Variants in ATXN7L1 observed in about 807,000 individuals in gnomAD.
The protein encoded by ATXN7L1 is ataxin-7-like protein 1.
Under a neutral mutation model 70.8 loss-of-function variants are expected in ATXN7L1, and 15 were observed. That is an observed-to-expected ratio of 0.21 (90% confidence interval 0.14 to 0.33). The LOEUF is 0.33. ATXN7L1 is among the 10% of genes least tolerant of loss of function. The probability of loss-of-function intolerance (pLI) is 1.00; values close to 1 mark genes in which losing one functional copy is unlikely to be tolerated. For missense variants in ATXN7L1, 975 were observed against 1,097.1 expected (o/e 0.89, Z 1.57); for synonymous variants, 440 against 445.1 (o/e 0.99, Z 0.14).
chr7:105,828,782 G>A (rs1811206091), intron 2 of ATXN7L1, among the ~76,000 whole-genome samples: 1 of 152,166 alleles, frequency 6.6e-6, no homozygotes, highest in South Asian at 2.1e-4. Context: ...ACTGGTGGGA[G>A]AAAAAGTACA....
rs938263235 is a variant in ATXN7L1 at position 105,711,705 on chromosome 7, C to T, written c.356-46417G>A. Among the ~76,000 whole-genome samples the T allele has an allele frequency of 1.6e-4, 24 of 152,250 alleles. 1 individual carries two copies. Among genetic ancestry groups the T allele is most frequent in the South Asian group, 4.1e-4 (2 of 4,838 alleles). On this transcript the variant is annotated intron_variant, in intron 3 of 11. Transcript: ENST00000419735. ...GTGACTCTGCAGGGTACAACCCCTA[C>T]GGCTACTTTCATGGTGTTGAGTGCC... is the stretch of plus-strand genomic sequence containing the variant.
intron 3 of ATXN7L1, among the ~76,000 whole-genome samples, chr7:105,692,376 T>TC (rs1319676086): frequency 1.2e-5 from 1 of 84,004 alleles, no homozygotes; most frequent in African/African-American, 5.0e-5. Context: ...TTTCTTTCCT[T>TC]CCTTCCTTCC....
rs200197723 is a variant in ATXN7L1, at chr7:105,727,740, A to ATGTG, written c.355+60860_355+60863dup. 2.1e-3 allele frequency among the ~76,000 whole-genome samples: 152 copies of ATGTG among 70,782 alleles called. 3 individuals are homozygous for ATGTG. The highest frequency in any genetic ancestry group is 0.01 in the African/African-American group (130 of 12,578). 46.4% of individuals were successfully genotyped at this position (70,782 alleles called of 152,430 possible). A position where few individuals can be genotyped will look rare whatever the true frequency, so the allele number is the denominator to read the frequency against. ...TTTTTCCATAGGGGTGTGTGTGTGT[A>ATGTG]TGTGTGTATATATATATATATATAT... On this transcript the variant is annotated intron_variant, in intron 3 of 11. Coordinates refer to ENST00000419735, the MANE Select transcript of ATXN7L1 (RefSeq NM_020725.2).
At chr7:105,638,822 C>T (rs921532145) in intron 6 of ATXN7L1, among the ~76,000 whole-genome samples, 2 of 152,162 alleles carry the variant, frequency 1.3e-5, no homozygotes, top group Non-Finnish European at 2.9e-5. Context: ...GAAGCCAAAG[C>T]TTCCTCCAAA....
At chr7:105,821,132 C>T (rs935215109) in intron 2 of ATXN7L1, among the ~76,000 whole-genome samples, 11 of 152,244 alleles carry the variant, frequency 7.2e-5, no homozygotes, top group Non-Finnish European at 1.2e-4. Flanking sequence ...CTCTGCCTCC[C>T]GGGTTCAAGC....
At chr7:105,819,845 T>C in intron 2 of ATXN7L1, 1 of 613,090 alleles carries the variant, frequency 1.6e-6, no homozygotes, top group Non-Finnish European at 3.1e-6. Context: ...AAGCGGATGG[T>C]GGTTCCTGCT....
intron 3 of ATXN7L1, among the ~76,000 whole-genome samples, chr7:105,744,202 C>A (rs1054244986): frequency 6.6e-6 from 1 of 152,156 alleles, no homozygotes; most frequent in Admixed American, 6.5e-5. Context: ...TTCAGAATAA[C>A]CTGGGTCTGT....
chr7:105,619,140 GTTTTTTT>G lies in ATXN7L1; in HGVS notation c.1517+1053_1517+1059del, dbSNP rs1191774371. Among the ~76,000 whole-genome samples the G allele has an allele frequency of 6.0e-3, 298 of 49,844 alleles. 6 individuals are homozygous for G. Among genetic ancestry groups the G allele is most frequent in the African/African-American group, 0.022 (266 of 12,222 alleles). The allele number at this position is 49,844 out of a possible 152,430, so 32.7% of individuals were successfully genotyped here. A position where few individuals can be genotyped will look rare whatever the true frequency, so the allele number is the denominator to read the frequency against. ...GTCCACAACCATAATGAAATCTTTA[GTTTTTTT>G]TTTTTTTTTTTTTTTTTTGAGACGG... On this transcript the variant is annotated intron_variant, in intron 9 of 11. Transcript: ENST00000419735.
chr7:105,795,358 G>C (rs1189129083), intron 2 of ATXN7L1, among the ~76,000 whole-genome samples: 1 of 152,144 alleles, frequency 6.6e-6, no homozygotes, highest in Non-Finnish European at 1.5e-5. Flanking sequence ...ATAAACTTTA[G>C]TTTATATCCA....
At chr7:105,752,651 C>T (rs1189206144) in intron 3 of ATXN7L1, among the ~76,000 whole-genome samples, 2 of 152,138 alleles carry the variant, frequency 1.3e-5, no homozygotes, top group Non-Finnish European at 2.9e-5. Flanking sequence ...TTTGAGACTG[C>T]CCCAACCCAG....
intron 11 of ATXN7L1, among the ~76,000 whole-genome samples, chr7:105,609,413 T>C (rs530002382): frequency 5.9e-5 from 9 of 152,278 alleles, no homozygotes; most frequent in Non-Finnish European, 1.3e-4. Flanking sequence ...GTGATCTGCC[T>C]GCCTTGGCCT....
chr7:105,632,643 C>A (rs1796757406), intron 7 of ATXN7L1, among the ~76,000 whole-genome samples: 1 of 152,076 alleles, frequency 6.6e-6, no homozygotes, highest in Admixed American at 6.6e-5. Context: ...GAGTGATCAG[C>A]TGAGTGCAGT....
intron 2 of ATXN7L1, among the ~76,000 whole-genome samples, chr7:105,850,581 C>T (rs967610837): frequency 1.3e-5 from 2 of 152,202 alleles, no homozygotes; most frequent in African/African-American, 4.8e-5. Flanking sequence ...TGTGCTGAAC[C>T]CAGATCTCTC....
chr7:105,740,587 G>A (rs547140534), intron 3 of ATXN7L1, among the ~76,000 whole-genome samples: 2 of 152,128 alleles, frequency 1.3e-5, no homozygotes, highest in East Asian at 3.9e-4. Flanking sequence ...ACTGATCCAA[G>A]AGTTAGTTAA....
In ATXN7L1 at chr7:105,834,334, G is replaced by A. The variant is rs542433881; in HGVS notation, c.250+41478C>T. ...TGGGATTACATACGTGAGCCACCAC[G>A]CCTGGCCTCATCATTGACTTTGAAA... On this transcript the variant is annotated intron_variant, in intron 2 of 11. Coordinates refer to ENST00000419735, the MANE Select transcript of ATXN7L1 (RefSeq NM_020725.2). 2.6e-5 allele frequency among the ~76,000 whole-genome samples: 4 copies of A among 152,320 alleles called. No individual in the cohort carries two copies. In the South Asian group the frequency reaches 6.2e-4, roughly 24 times the overall value.
intron 3 of ATXN7L1, among the ~76,000 whole-genome samples, chr7:105,731,747 TAAAAA>T (rs1361801460): frequency 6.3e-5 from 1 of 15,844 alleles, no homozygotes; most frequent in African/African-American, 9.1e-4. Flanking sequence ...TCTTACTCCT[TAAAAA>T]GAAAAGAAAA....
chr7:105,657,678 G>A (rs1401506983), intron 4 of ATXN7L1, among the ~76,000 whole-genome samples: 2 of 138,186 alleles, frequency 1.4e-5, no homozygotes, highest in African/African-American at 2.8e-5. Context: ...GCCGCAGCCT[G>A]GGTGACAGAG....
chr7:105,871,844 G>A (rs1818313822), intron 2 of ATXN7L1, among the ~76,000 whole-genome samples: 1 of 152,090 alleles, frequency 6.6e-6, no homozygotes. Context: ...CTTTATAGGT[G>A]GAGAACTGAA....
chr7:105,733,681 C>CCCATCCATCCATTCAT lies in ATXN7L1; in HGVS notation c.355+54922_355+54923insATGAATGGATGGATGG, dbSNP rs1563049263. On this transcript the variant is annotated intron_variant, in intron 3 of 11. Coordinates refer to ENST00000419735, the MANE Select transcript of ATXN7L1 (RefSeq NM_020725.2). Reference sequence around the variant, plus strand: ...ATCCATCCATCCATCCATCCATCCACCCATCCACCCATCCATCCATTCATC... The same window carrying CCCATCCATCCATTCAT: ...ATCCATCCATCCATCCATCCATCCACCCATCCATCCATTCATCCATCCACCCATCCATCCATTCATC... 5.9e-3 allele frequency among the ~76,000 whole-genome samples: 38 copies of CCCATCCATCCATTCAT among 6,454 alleles called. 8 individuals carry two copies. The highest frequency in any genetic ancestry group is 0.023 in the East Asian group (3 of 128). The allele number at this position is 6,454 out of a possible 152,430, so 4.2% of individuals were successfully genotyped here.
Sources: gnomAD v4.1 joint callset for allele counts (sites outside exome capture counted in the v4.1 genomes callset) on GRCh38, gnomAD v4.1.1 for gene constraint, MANE v1.5 for transcripts, NCBI Gene and HGNC (gene_info 2026-07-23, HGNC 2026-07-21) for gene names.